Variants in GULP1 observed in about 807,000 individuals in gnomAD.
GULP1 encodes the protein GULP PTB domain containing engulfment adaptor 1, also known as PTB domain-containing engulfment adapter protein 1.
GULP1 carries 19 observed loss-of-function variants against 40.9 expected under a neutral mutation model. That is an observed-to-expected ratio of 0.46 (90% CI 0.32 to 0.68). The LOEUF (loss-of-function observed/expected upper bound fraction) is 0.68, where lower values mean the gene tolerates loss of function less well. Ranked by LOEUF, GULP1 falls within the 30% of genes least tolerant of loss-of-function variation. The pLI is 0.03. For missense variants in GULP1, 312 were observed against 362.2 expected (o/e 0.86, Z 1.12); for synonymous variants, 119 against 117.6 (o/e 1.01, Z -0.08).
intron 2 of GULP1, among the ~76,000 whole-genome samples, chr2:188,399,150 A>C (rs901230560): frequency 2.0e-5 from 3 of 152,194 alleles, no homozygotes; most frequent in Non-Finnish European, 4.4e-5. Context: ...TGTTTAAACA[A>C]AAAATGCATT....
At chr2:188,476,299 T>C (rs929580353) in intron 2 of GULP1, among the ~76,000 whole-genome samples, 6 of 152,042 alleles carry the variant, frequency 3.9e-5, no homozygotes, top group African/African-American at 1.4e-4. Flanking sequence ...TAGAGTGGAA[T>C]GGGGGAAGCT....
intron 4 of GULP1, among the ~76,000 whole-genome samples, chr2:188,508,755 A>G (rs1353845683): frequency 2.0e-5 from 3 of 152,052 alleles, no homozygotes; most frequent in Non-Finnish European, 2.9e-5. Flanking sequence ...CCACAAACCC[A>G]TTATTCTAGC....
At chr2:188,362,942 G>A (rs2046291580) in intron 1 of GULP1, among the ~76,000 whole-genome samples, 1 of 151,966 alleles carries the variant, frequency 6.6e-6, no homozygotes, top group African/African-American at 2.4e-5. Context: ...GGAAAAAGAC[G>A]CTTAATAGGA....
chr2:188,549,164 A>G (rs990665902), intron 7 of GULP1, among the ~76,000 whole-genome samples: 3 of 79,896 alleles, frequency 3.8e-5, no homozygotes, highest in African/African-American at 1.0e-4. Flanking sequence ...TTAGGAAAGC[A>G]TTCTTTTTTT....
At chr2:188,527,271 T>A (rs1686409852) in intron 5 of GULP1, among the ~76,000 whole-genome samples, 1 of 152,122 alleles carries the variant, frequency 6.6e-6, no homozygotes, top group Admixed American at 6.5e-5. Context: ...TGAGTCTGGA[T>A]GTGGAAGGGG....
chr2:188,373,514 TC>T (rs1052113614), intron 1 of GULP1, among the ~76,000 whole-genome samples: 1 of 152,010 alleles, frequency 6.6e-6, no homozygotes, highest in African/African-American at 2.4e-5. Context: ...CTTTTCCAGT[TC>T]CATAAACATT....
intron 1 of GULP1, among the ~76,000 whole-genome samples, chr2:188,362,185 C>T (rs2046187220): frequency 6.6e-6 from 1 of 151,862 alleles, no homozygotes; most frequent in South Asian, 2.1e-4. Context: ...ACATTACAAA[C>T]AAAACTCTGG....
At chr2:188,366,077 CCAACTTT>C (rs1412210979) in intron 1 of GULP1, among the ~76,000 whole-genome samples, 1 of 152,082 alleles carries the variant, frequency 6.6e-6, no homozygotes, top group Non-Finnish European at 1.5e-5. Flanking sequence ...CTCAGGTTAT[CCAACTTT>C]CTGTGACACC....
intron 1 of GULP1, among the ~76,000 whole-genome samples, chr2:188,382,823 C>G (rs1216664185): frequency 2.0e-5 from 3 of 152,096 alleles, no homozygotes; most frequent in Non-Finnish European, 4.4e-5. Flanking sequence ...ACAAATAGGT[C>G]AATAGGCTTC....
At chr2:188,404,315 A>G (rs141162398) in intron 2 of GULP1, among the ~76,000 whole-genome samples, 1 of 152,198 alleles carries the variant, frequency 6.6e-6, no homozygotes, top group African/African-American at 2.4e-5. Context: ...CAGAAGAGCT[A>G]AGGAAACTGA....
intron 2 of GULP1, among the ~76,000 whole-genome samples, chr2:188,414,930 C>G (rs931263869): frequency 1.3e-5 from 2 of 151,930 alleles, no homozygotes; most frequent in African/African-American, 4.8e-5. Context: ...TCTGAGGGCC[C>G]CTTTCAATGC....
At chr2:188,359,150 G>T (rs574283817) in intron 1 of GULP1, among the ~76,000 whole-genome samples, 5 of 152,050 alleles carry the variant, frequency 3.3e-5, no homozygotes, top group African/African-American at 4.8e-5. Flanking sequence ...CTTTAGATAC[G>T]TGTTTCAAAG....
intron 1 of GULP1, among the ~76,000 whole-genome samples, chr2:188,379,095 T>A (rs897974162): frequency 6.6e-6 from 1 of 152,140 alleles, no homozygotes; most frequent in East Asian, 1.9e-4. Flanking sequence ...AAAGAGTGAA[T>A]GACTTGATAA....
chr2:188,314,219 T>A (rs1272443279), intron 1 of GULP1, among the ~76,000 whole-genome samples: 3 of 152,142 alleles, frequency 2.0e-5, no homozygotes, highest in African/African-American at 7.2e-5. Context: ...GGAGGTCACT[T>A]TGGTGAGAAA....
At chr2:188,391,867 C>T (rs1454050759) in intron 2 of GULP1, among the ~76,000 whole-genome samples, 1 of 151,788 alleles carries the variant, frequency 6.6e-6, no homozygotes, top group African/African-American at 2.4e-5. Flanking sequence ...TTGAGATGTT[C>T]ATATGGTTTT....
intron 2 of GULP1, among the ~76,000 whole-genome samples, chr2:188,457,215 G>T (rs1364150166): frequency 6.6e-6 from 1 of 152,154 alleles, no homozygotes. Flanking sequence ...AGGCATGATT[G>T]GTTTTGAAAT....
At chr2:188,533,764 A>T (rs1013990219) in intron 6 of GULP1, among the ~76,000 whole-genome samples, 1 of 152,210 alleles carries the variant, frequency 6.6e-6, no homozygotes, top group Admixed American at 6.5e-5. Flanking sequence ...ATCTATAAGG[A>T]ACTTAAACAA....
intron 2 of GULP1, among the ~76,000 whole-genome samples, chr2:188,467,852 C>T (rs2060253860): frequency 6.6e-6 from 1 of 152,116 alleles, no homozygotes; most frequent in Admixed American, 6.6e-5. Context: ...ATGAATTTCT[C>T]AGAGGCTGCC....
At chr2:188,567,818 C>T (rs567553044) in intron 7 of GULP1, among the ~76,000 whole-genome samples, 2 of 152,034 alleles carry the variant, frequency 1.3e-5, no homozygotes, top group African/African-American at 4.8e-5. Flanking sequence ...AAACAGAAAC[C>T]TATTACCCAA....
Sources: allele counts gnomAD v4.1 joint callset (sites outside exome capture counted in the v4.1 genomes callset), GRCh38; gene constraint gnomAD v4.1.1; transcripts MANE v1.5; gene names NCBI Gene and HGNC (gene_info 2026-07-23, HGNC 2026-07-21).